CCDC102B: variants seen among roughly 807,000 people sequenced by gnomAD.
CCDC102B encodes coiled-coil domain containing 102B, also known as coiled-coil domain-containing protein 102B.
In CCDC102B, 75 loss-of-function variants were observed where a neutral mutation model predicts 57.4. The observed-to-expected ratio is 1.31, with a 90% CI of 1.08 to 1.58. CCDC102B has a LOEUF of 1.58. Ranked by LOEUF, CCDC102B falls within the 40% of genes most tolerant of loss-of-function variation. The probability of loss-of-function intolerance (pLI) is 0.00; values close to 1 mark genes in which losing one functional copy is unlikely to be tolerated. For synonymous variants in CCDC102B, 206 were observed against 201.9 expected, an observed-to-expected ratio of 1.02 and a Z score of -0.17; for missense variants, 636 against 582.6, an observed-to-expected ratio of 1.09 and a Z score of -0.94.
At chr18:68,882,927 G>T (rs1173298306) in intron 5 of CCDC102B, among the ~76,000 whole-genome samples, 3 of 152,130 alleles carry the variant, frequency 2.0e-5, no homozygotes, top group Admixed American at 2.0e-4. Context: ...AAAAGTGGGA[G>T]CTAAATGATA....
At chr18:68,837,603 T>A (rs1483561382) in intron 2 of CCDC102B, among the ~76,000 whole-genome samples, 1 of 152,196 alleles carries the variant, frequency 6.6e-6, no homozygotes, top group Non-Finnish European at 1.5e-5. Flanking sequence ...GCCTCTCTCC[T>A]TGGCTTATAG....
chr18:68,923,429 A>C (rs1417942421), intron 6 of CCDC102B, among the ~76,000 whole-genome samples: 2 of 151,948 alleles, frequency 1.3e-5, no homozygotes, highest in African/African-American at 4.8e-5. Flanking sequence ...TTTTACTGAA[A>C]TCAATTTAAT....
chr18:69,034,294 G>A (rs2052226441), intron 7 of CCDC102B, among the ~76,000 whole-genome samples: 1 of 151,936 alleles, frequency 6.6e-6, no homozygotes, highest in East Asian at 1.9e-4. Flanking sequence ...CAAATCAAAT[G>A]TAATAAAGAT....
intron 2 of CCDC102B, among the ~76,000 whole-genome samples, chr18:68,769,222 T>C (rs767248315): frequency 2.0e-5 from 3 of 148,780 alleles, no homozygotes; most frequent in Non-Finnish European, 3.0e-5. Context: ...CATTACATTC[T>C]AGCCTGGGCA....
chr18:69,001,517 T>C (rs535611898), intron 6 of CCDC102B, among the ~76,000 whole-genome samples: 64 of 149,044 alleles, frequency 4.3e-4, no homozygotes, highest in African/African-American at 1.6e-3. Context: ...AATCAGGGAC[T>C]CTCTGAAAAG....
chr18:68,986,534 C>A (rs182267882), intron 6 of CCDC102B, among the ~76,000 whole-genome samples: 1 of 152,164 alleles, frequency 6.6e-6, no homozygotes, highest in Admixed American at 6.5e-5. Flanking sequence ...CTGCCAACAC[C>A]ATACTGAATG....
intron 6 of CCDC102B, among the ~76,000 whole-genome samples, chr18:68,961,620 T>G (rs2050050271): frequency 1.3e-5 from 2 of 152,184 alleles, no homozygotes; most frequent in Admixed American, 6.5e-5. Flanking sequence ...CTATAAAATG[T>G]CATGGTATTC....
intron 1 of CCDC102B, among the ~76,000 whole-genome samples, chr18:68,816,048 T>C (rs143454355): frequency 1.6e-3 from 251 of 152,356 alleles, no homozygotes; most frequent in Non-Finnish European, 2.3e-3. Flanking sequence ...CCTGATTTCA[T>C]TGTAGCAGAC....
intron 3 of CCDC102B, among the ~76,000 whole-genome samples, chr18:68,842,806 A>G (rs891339382): frequency 6.6e-6 from 1 of 152,306 alleles, no homozygotes; most frequent in African/African-American, 2.4e-5. Context: ...TCCTGGCTGC[A>G]TGTATTCCCC....
intron 7 of CCDC102B, among the ~76,000 whole-genome samples, chr18:69,050,377 G>A (rs1030397029): frequency 6.6e-6 from 1 of 152,060 alleles, no homozygotes; most frequent in African/African-American, 2.4e-5. Context: ...TTTGCCTTGT[G>A]GGATATTCTG....
chr18:68,970,766 T>C lies in CCDC102B; in HGVS notation c.1264-40168T>C, dbSNP rs541925368. 4.6e-5 allele frequency among the ~76,000 whole-genome samples: 7 copies of C among 152,122 alleles called. No homozygotes were observed. In the East Asian group the frequency reaches 1.4e-3, roughly 29 times the overall value. Reference sequence around the variant, plus strand: ...TTCAAATAACATCGTCTGTCTAACCTGAAATACTCCAAGAAGTTAAATGTA... The same window carrying C: ...TTCAAATAACATCGTCTGTCTAACCCGAAATACTCCAAGAAGTTAAATGTA... On this transcript the variant is annotated intron_variant, in intron 6 of 7. Coordinates refer to ENST00000360242, the MANE Select transcript of CCDC102B (RefSeq NM_024781.3).
chr18:68,978,630 C>A (rs1037673045), intron 6 of CCDC102B, among the ~76,000 whole-genome samples: 1 of 151,778 alleles, frequency 6.6e-6, no homozygotes, highest in Non-Finnish European at 1.5e-5. Context: ...AATAATTTTC[C>A]CAGTCAGAAT....
intron 2 of CCDC102B, among the ~76,000 whole-genome samples, chr18:68,748,916 A>G (rs147551398): frequency 0.017 from 2,594 of 152,296 alleles, 24 homozygotes; most frequent in Middle Eastern, 0.034. Context: ...TAGGTCTAAC[A>G]TTTAAGTCTT....
At chr18:69,014,473 G>C (rs760518254) in intron 7 of CCDC102B, among the ~76,000 whole-genome samples, 3 of 152,108 alleles carry the variant, frequency 2.0e-5, no homozygotes, top group Non-Finnish European at 2.9e-5. Flanking sequence ...GGTCAGTATA[G>C]GTGCCCTTGC....
chr18:68,837,028 GA>G lies in CCDC102B; in HGVS notation c.269del (p.Lys90ArgfsTer36). 1 of 1,614,176 alleles carries G rather than the reference GA, an allele frequency of 6.2e-7. No individual in the cohort carries two copies. The part of the protein sequence containing the change: ...EEVKARAAQM[E>X]KTMRWWSDCT... ...AGTCAAGGCCAGAGCTGCTCAGATG[GA>G]AAAGACCATGCGGTGGTGGTCGGAC... is the stretch of plus-strand genomic sequence containing the variant. On this transcript the variant is annotated frameshift_variant, in exon 2 of 8. Transcript: ENST00000360242. LOFTEE classifies it high-confidence loss of function.
intron 6 of CCDC102B, among the ~76,000 whole-genome samples, chr18:68,955,118 T>C (rs1033604830): frequency 2.0e-5 from 3 of 152,184 alleles, no homozygotes; most frequent in Non-Finnish European, 4.4e-5. Flanking sequence ...TCAATTATTA[T>C]TGCTTTGAAG....
At chr18:68,733,630 G>A (rs943625901) in intron 2 of CCDC102B, among the ~76,000 whole-genome samples, 8 of 151,428 alleles carry the variant, frequency 5.3e-5, no homozygotes, top group African/African-American at 1.5e-4. Flanking sequence ...TCAACCTCAC[G>A]TGTTACGATT....
intron 6 of CCDC102B, among the ~76,000 whole-genome samples, chr18:68,961,212 T>C (rs1382532673): frequency 6.6e-6 from 1 of 151,968 alleles, no homozygotes; most frequent in Admixed American, 6.6e-5. Flanking sequence ...TTAAATAAAT[T>C]GGCACATAGA....
At chr18:69,050,825 T>G (rs11660550) in intron 7 of CCDC102B, among the ~76,000 whole-genome samples, 2,239 of 152,266 alleles carry the variant, frequency 0.015, 16 homozygotes, top group Non-Finnish European at 0.021. Flanking sequence ...AAAAAAAGGC[T>G]AATTTTTAGA....
Sources: gnomAD v4.1 joint callset for allele counts (sites outside exome capture counted in the v4.1 genomes callset) on GRCh38, gnomAD v4.1.1 for gene constraint, MANE v1.5 for transcripts, NCBI Gene and HGNC (gene_info 2026-07-23, HGNC 2026-07-21) for gene names.